Variants in OTX2 observed in about 807,000 individuals in gnomAD.
OTX2 encodes the protein orthodenticle homeobox 2, also known as homeobox protein OTX2.
A neutral mutation model predicts 29.0 loss-of-function variants in OTX2; 4 were observed. The ratio of observed to expected loss-of-function variants is 0.14; its 90% CI spans 0.07 to 0.32. The LOEUF (loss-of-function observed/expected upper bound fraction) is 0.32. OTX2 is among the 10% of genes least tolerant of loss of function. The pLI is 1.00. For missense variants in OTX2, 298 were observed against 365.9 expected (o/e 0.81, Z 1.51); for synonymous variants, 134 against 141.0 (o/e 0.95, Z 0.35).
intron 4 of OTX2, among the ~76,000 whole-genome samples, chr14:56,803,559 C>T (rs1016742719): frequency 1.3e-5 from 2 of 152,200 alleles, no homozygotes; most frequent in Non-Finnish European, 2.9e-5. Context: ...ACAAGGCAAG[C>T]TGGAGTTGAC....
In OTX2 at chr14:56,801,474, C is replaced by G. The variant is rs553969803; in HGVS notation, c.*261G>C. The G allele has an allele frequency of 1.3e-5, 7 of 533,438 alleles. No homozygotes were observed. In the East Asian group the frequency reaches 2.3e-4, roughly 18 times the overall value. The allele number at this position is 533,438 out of a possible 1,614,324, so 33.0% of individuals were successfully genotyped here. On this transcript the variant is annotated 3_prime_UTR_variant, in exon 5 of 5. Coordinates refer to ENST00000672264, the MANE Select transcript of OTX2 (RefSeq NM_021728.4). The surrounding 1 kb of genome is among the most constrained non-coding windows in gnomAD (Gnocchi z 4.2). Reference sequence around the variant, plus strand: ...TGTTTGGTTGCACATGGCTAGAATGCTTTTGATCACTTTGCAAATCAGGAT... The same window carrying G: ...TGTTTGGTTGCACATGGCTAGAATGGTTTTGATCACTTTGCAAATCAGGAT...
rs776621316 is a variant in OTX2 at position 56,800,402 on chromosome 14, A to T, written c.*1333T>A. 3 of 152,158 alleles carry T rather than the reference A, an allele frequency of 2.0e-5. No individual in the cohort carries two copies. Among genetic ancestry groups the T allele is most frequent in the Non-Finnish European group, 4.4e-5 (3 of 68,030 alleles). 9.4% of individuals were successfully genotyped at this position (152,158 alleles called of 1,614,324 possible). ...CCTCTTAAAAACTTGATATATTTTA[A>T]AACATTCTAATAAAGTGCCTAAGAA... is the stretch of plus-strand genomic sequence containing the variant. On this transcript the variant is annotated 3_prime_UTR_variant, in exon 5 of 5. Coordinates refer to ENST00000672264, the MANE Select transcript of OTX2 (RefSeq NM_021728.4).
At chr14:56,805,030 G>T (rs148963787) in intron 3 of OTX2, among the ~76,000 whole-genome samples, 3 of 152,122 alleles carry the variant, frequency 2.0e-5, no homozygotes, top group Non-Finnish European at 4.4e-5. Flanking sequence ...ATTGAGATAT[G>T]GGTAGGGGTC....
Position 56,801,542 on chromosome 14 carries a change from T to C in OTX2, c.*193A>G. Reference sequence around the variant, plus strand: ...TATGACAGGATCTTAAGCAGATTGGTTTGTCCATTTCATGTTGCTGGTTTG... The same window carrying C: ...TATGACAGGATCTTAAGCAGATTGGCTTGTCCATTTCATGTTGCTGGTTTG... On this transcript the variant is annotated 3_prime_UTR_variant, in exon 5 of 5. Transcript: ENST00000672264. The surrounding 1 kb of genome is among the most constrained non-coding windows in gnomAD (Gnocchi z 4.2). 1 of 625,392 alleles carries C rather than the reference T, an allele frequency of 1.6e-6. No homozygotes were observed. The highest frequency in any genetic ancestry group is 2.8e-6 in the Non-Finnish European group (1 of 355,320). The allele number at this position is 625,392 out of a possible 1,614,324, so 38.7% of individuals were successfully genotyped here. A position where few individuals can be genotyped will look rare whatever the true frequency, so the allele number is the denominator to read the frequency against.
In OTX2 at chr14:56,804,418, C is replaced by T. The variant is rs1265973162; in HGVS notation, c.98-55G>A. ...ATAGGCGTTTCCGCGGGTTCTCCGA[C>T]GCCCCTGCCCTCCACCCCGCAGCAG... On this transcript the variant is annotated intron_variant, in intron 3 of 4. Coordinates refer to ENST00000672264, the MANE Select transcript of OTX2 (RefSeq NM_021728.4). The surrounding 1 kb of genome is among the most constrained non-coding windows in gnomAD (Gnocchi z 4.1). 1 of 1,514,198 alleles carries T rather than the reference C, an allele frequency of 6.6e-7. No homozygotes were observed. Among genetic ancestry groups the T allele is most frequent in the Non-Finnish European group, 9.0e-7 (1 of 1,112,252 alleles). 93.8% of individuals were successfully genotyped at this position (1,514,198 alleles called of 1,614,324 possible).
Position 56,810,402 on chromosome 14 carries a change from C to G in OTX2, c.-210G>C, listed in dbSNP as rs1892235809. ...AAGTAGATGTGGCGAGTGAGGGCTG[C>G]TCTAGCAATTTTTATTTTTAATCAC... On this transcript the variant is annotated 5_prime_UTR_variant, in exon 1 of 5. Coordinates refer to ENST00000672264, the MANE Select transcript of OTX2 (RefSeq NM_021728.4). 1 of 152,150 alleles carries G rather than the reference C, an allele frequency of 6.6e-6. No homozygotes were observed. The highest frequency in any genetic ancestry group is 2.4e-5 in the African/African-American group (1 of 41,418). The allele number at this position is 152,150 out of a possible 1,614,324, so 9.4% of individuals were successfully genotyped here.
chr14:56,803,703 G>C (rs1407250152), intron 4 of OTX2, among the ~76,000 whole-genome samples: 1 of 152,136 alleles, frequency 6.6e-6, no homozygotes, highest in African/African-American at 2.4e-5. Context: ...AGAAGTCAAG[G>C]AAAATACATT....
Position 56,802,493 on chromosome 14 carries a change from G to T in OTX2, c.274-138C>A. 1.0e-6 allele frequency: 1 copy of T among 972,856 alleles called. No homozygotes were observed. Among genetic ancestry groups the T allele is most frequent in the African/African-American group, 1.6e-5 (1 of 62,840 alleles). The allele number at this position is 972,856 out of a possible 1,614,324, so 60.3% of individuals were successfully genotyped here. A position where few individuals can be genotyped will look rare whatever the true frequency, so the allele number is the denominator to read the frequency against. ...TCCCCTGCCACTGAAGACCTATTAT[G>T]TGGTACTCTCATATAAACTCCTGGA... On this transcript the variant is annotated intron_variant, in intron 4 of 4. Coordinates refer to ENST00000672264, the MANE Select transcript of OTX2 (RefSeq NM_021728.4). This position sits in a 1 kb window ranked among gnomAD's most constrained non-coding sequence, Gnocchi z 4.4.
Position 56,804,471 on chromosome 14 carries a change from G to C in OTX2, c.98-108C>G. 1.8e-6 allele frequency: 2 copies of C among 1,105,698 alleles called. No individual in the cohort carries two copies. Among genetic ancestry groups the C allele is most frequent in the African/African-American group, 1.6e-5 (1 of 63,976 alleles). The allele number at this position is 1,105,698 out of a possible 1,614,324, so 68.5% of individuals were successfully genotyped here. A position where few individuals can be genotyped will look rare whatever the true frequency, so the allele number is the denominator to read the frequency against. On this transcript the variant is annotated intron_variant, in intron 3 of 4. Transcript: ENST00000672264. The surrounding 1 kb of genome is among the most constrained non-coding windows in gnomAD (Gnocchi z 4.1). ...CCCCGTTCCTCACAGCCCTTCAGCC[G>C]GGAGCCTACCAATGCTCTCCCCACC...
chr14:56,805,403 G>C lies in OTX2; in HGVS notation c.54C>G (p.Thr18=). ...PPYAVNGLSL[T]TSGMDLLHPS... is the part of the protein sequence containing the mutation. Reference sequence around the variant, plus strand: ...GGTGCAGCAAGTCCATACCCGAAGTGGTCAGACTCAGCCCATTGACTGCGT... The same window carrying C: ...GGTGCAGCAAGTCCATACCCGAAGTCGTCAGACTCAGCCCATTGACTGCGT... Residue 18 remains threonine (T), a synonymous_variant, in exon 3 of 5, where the codon ACC becomes ACG. Transcript: ENST00000672264. 1.2e-6 allele frequency: 2 copies of C among 1,613,952 alleles called. No homozygotes were observed. The highest frequency in any genetic ancestry group is 1.7e-6 in the Non-Finnish European group (2 of 1,179,874).
intron 2 of OTX2, among the ~76,000 whole-genome samples, chr14:56,807,636 T>A (rs186186058): frequency 2.0e-5 from 3 of 152,278 alleles, no homozygotes; most frequent in Admixed American, 6.5e-5. Flanking sequence ...ATAGACTATT[T>A]TCACTTTTGC....
In OTX2 at chr14:56,802,788, GA is replaced by G. The variant is rs2139530396; in HGVS notation, c.274-434del. On this transcript the variant is annotated intron_variant, in intron 4 of 4. Transcript: ENST00000672264. This position sits in a 1 kb window ranked among gnomAD's most constrained non-coding sequence, Gnocchi z 4.4. ...CAATTCTGTTGTTACAGGCTAACAG[GA>G]ACAGCCTAAATTCATTTACAGTTCA... 6.6e-6 allele frequency among the ~76,000 whole-genome samples: 1 copy of G among 152,278 alleles called. No individual in the cohort carries two copies. The highest frequency in any genetic ancestry group is 6.5e-5 in the Admixed American group (1 of 15,306).
rs1047737574 is a variant in OTX2, at chr14:56,804,433, C to T, written c.98-70G>A. 3.5e-6 allele frequency: 5 copies of T among 1,419,536 alleles called. No individual in the cohort carries two copies. Among genetic ancestry groups the T allele is most frequent in the African/African-American group, 1.4e-5 (1 of 71,112 alleles). The allele number at this position is 1,419,536 out of a possible 1,614,324, so 87.9% of individuals were successfully genotyped here. On this transcript the variant is annotated intron_variant, in intron 3 of 4. Coordinates refer to ENST00000672264, the MANE Select transcript of OTX2 (RefSeq NM_021728.4). The surrounding 1 kb of genome is among the most constrained non-coding windows in gnomAD (Gnocchi z 4.1). Reference sequence around the variant, plus strand: ...GGTTCTCCGACGCCCCTGCCCTCCACCCCGCAGCAGTCCCCCGTTCCTCAC... The same window carrying T: ...GGTTCTCCGACGCCCCTGCCCTCCATCCCGCAGCAGTCCCCCGTTCCTCAC...
chr14:56,805,463 G>A lies in OTX2; in HGVS notation c.-7C>T, dbSNP rs752785578. On this transcript the variant is annotated 5_prime_UTR_variant, in exon 3 of 5. Transcript: ENST00000672264. ...GCTTAAGATAAGACATCATGCTAAG[G>A]TTGTTTGGAGGTGCAAAGTCGGCCC... 1.2e-6 allele frequency: 2 copies of A among 1,606,870 alleles called. No individual in the cohort carries two copies. The highest frequency in any genetic ancestry group is 1.7e-6 in the Non-Finnish European group (2 of 1,173,524).
intron 2 of OTX2, among the ~76,000 whole-genome samples, chr14:56,807,937 G>A (rs971525098): frequency 6.6e-6 from 1 of 151,932 alleles, no homozygotes; most frequent in Non-Finnish European, 1.5e-5. Context: ...CCGCACCTCC[G>A]GGCGCGAGTG....
At position 56,804,822 on chromosome 14, in the gene OTX2, AG is replaced by A. The variant is rs1566624907; in HGVS notation, c.98-460del. Among the ~76,000 whole-genome samples the A allele has an allele frequency of 6.6e-6, 1 of 152,026 alleles. No individual in the cohort carries two copies. The highest frequency in any genetic ancestry group is 1.5e-5 in the Non-Finnish European group (1 of 68,010). On this transcript the variant is annotated intron_variant, in intron 3 of 4. Transcript: ENST00000672264. The surrounding 1 kb of genome is among the most constrained non-coding windows in gnomAD (Gnocchi z 4.1). ...TGGGGACATAGTTCATACTCCTGGG[AG>A]GATTTTTAAACATATCTGATTGGAA...
chr14:56,806,767 G>T (rs1408175755), intron 2 of OTX2: 1 of 152,180 alleles, frequency 6.6e-6, no homozygotes, highest in Non-Finnish European at 1.5e-5. Context: ...GGAAGAAAAA[G>T]AAAAGTTATT....
At position 56,805,511 on chromosome 14, in the gene OTX2, A is replaced by G; in HGVS notation, c.-55T>C. 1.7e-6 allele frequency: 2 copies of G among 1,169,600 alleles called. No individual in the cohort carries two copies. Among genetic ancestry groups the G allele is most frequent in the Non-Finnish European group, 2.6e-6 (2 of 781,376 alleles). The allele number at this position is 1,169,600 out of a possible 1,614,324, so 72.5% of individuals were successfully genotyped here. On this transcript the variant is annotated 5_prime_UTR_variant, in exon 3 of 5. Coordinates refer to ENST00000672264, the MANE Select transcript of OTX2 (RefSeq NM_021728.4). ...CCCAAATCGGGGGTACCCAGCTGGA[A>G]GATCTTGATGCGCCCGGGGTGGACA...
rs1891908841 is a variant in OTX2 at position 56,802,155 on chromosome 14, A to C, written c.474T>G (p.Ser158=). The C allele has an allele frequency of 6.2e-7, 1 of 1,613,990 alleles. No homozygotes were observed. The highest frequency in any genetic ancestry group is 1.3e-5 in the African/African-American group (1 of 74,932). The change falls in exon 5 of 5, where the codon TCT becomes TCG. Residue 158 remains serine (S), a synonymous_variant. Transcript: ENST00000672264. The surrounding 1 kb of genome is among the most constrained non-coding windows in gnomAD (Gnocchi z 4.4). ...GGGAGATGGAAGCTGGGCTCCAGAT[A>C]GACACAGGAGCACTGCTGCTGGCAA... ...PTIASSSAPV[S]IWSPASISPL...
Sources: allele counts gnomAD v4.1 joint callset (sites outside exome capture counted in the v4.1 genomes callset), GRCh38; gene constraint gnomAD v4.1.1; non-coding constraint Gnocchi (gnomAD v3.1); transcripts MANE v1.5; gene names NCBI Gene and HGNC (gene_info 2026-07-23, HGNC 2026-07-21).